TMEM114: variants seen among roughly 807,000 people sequenced by gnomAD.
TMEM114 encodes claudin-26.
In TMEM114, 6 loss-of-function variants were observed where a neutral mutation model predicts 6.2. That is an observed-to-expected ratio of 0.97 (90% confidence interval 0.53 to 1.91). The LOEUF (loss-of-function observed/expected upper bound fraction) is 1.91. Ranked by LOEUF, TMEM114 falls within the 40% of genes most tolerant of loss-of-function variation. The pLI, the probability that TMEM114 is intolerant of heterozygous loss-of-function variation, is 0.01. For missense variants in TMEM114, 218 were observed against 158.3 expected, an observed-to-expected ratio of 1.38 and a Z score of -2.02; for synonymous variants, 104 against 73.0, an observed-to-expected ratio of 1.42 and a Z score of -2.16.
At chr16:8,541,336 T>A (rs962608804) in intron 2 of TMEM114, among the ~76,000 whole-genome samples, 1 of 152,104 alleles carries the variant, frequency 6.6e-6, no homozygotes, top group African/African-American at 2.4e-5. Context: ...ATGAGGACAG[T>A]CCAGGGTTAC....
In TMEM114 at chr16:8,542,809, C is replaced by G. The variant is rs78480120; in HGVS notation, n.213-4983G>C. 2.0e-5 allele frequency among the ~76,000 whole-genome samples: 3 copies of G among 152,162 alleles called. No individual in the cohort carries two copies. In the South Asian group the frequency reaches 6.2e-4, roughly 32 times the overall value. On this transcript the variant is annotated intron_variant and non_coding_transcript_variant, in intron 2 of 2. Coordinates refer to the TMEM114 transcript ENST00000623677. ...ATCTCCTCAGTCTCAACTCCCCAAT[C>G]CTCCCAGCTCTTCCCCACATCCTCC...
chr16:8,568,681 C>A (rs77890495), downstream of TMEM114, among the ~76,000 whole-genome samples: 3 of 152,212 alleles, frequency 2.0e-5, no homozygotes, highest in African/African-American at 7.2e-5. Flanking sequence ...CCAGAGTTTC[C>A]TAAGCCAAAG....
intron 2 of TMEM114, among the ~76,000 whole-genome samples, chr16:8,545,725 A>G (rs1900645155): frequency 6.6e-6 from 1 of 152,180 alleles, no homozygotes; most frequent in East Asian, 1.9e-4. Flanking sequence ...GAGCTATCTT[A>G]TCTCCCTTCT....
At chr16:8,560,530 C>G (rs948927316) in intron 2 of TMEM114, among the ~76,000 whole-genome samples, 3 of 152,130 alleles carry the variant, frequency 2.0e-5, no homozygotes, top group African/African-American at 7.2e-5. Context: ...CCTGCTGGCT[C>G]CAAAAGGCGG....
At chr16:8,531,828 G>T in the TMEM114 span, 1 of 152,230 alleles carries the variant, frequency 6.6e-6, no homozygotes, top group South Asian at 2.1e-4. Flanking sequence ...CAGAGGGATT[G>T]TCAATTAGAT....
At chr16:8,546,260 A>T (rs1413478043) in intron 2 of TMEM114, among the ~76,000 whole-genome samples, 1 of 152,234 alleles carries the variant, frequency 6.6e-6, no homozygotes, top group African/African-American at 2.4e-5. Context: ...TTCTTAACTC[A>T]TTTCAAACTG....
At chr16:8,537,334 CT>C (rs1185453529), downstream of TMEM114, among the ~76,000 whole-genome samples, 3 of 152,072 alleles carry the variant, frequency 2.0e-5, no homozygotes, top group Non-Finnish European at 2.9e-5. Flanking sequence ...AACCCCGTCT[CT>C]ACTAAAAATA....
intron 2 of TMEM114, among the ~76,000 whole-genome samples, chr16:8,543,882 T>C (rs73505731): frequency 0.015 from 2,240 of 152,252 alleles, 55 homozygotes; most frequent in African/African-American, 0.052. Context: ...TTTGTCAAAG[T>C]CCATAACATA....
At chr16:8,564,942 G>T (rs975264520), downstream of TMEM114, among the ~76,000 whole-genome samples, 3 of 51,314 alleles carry the variant, frequency 5.8e-5, no homozygotes, top group South Asian at 1.2e-3. Flanking sequence ...AGTGAGTGAG[G>T]GAATGGGTGA....
intron 2 of TMEM114, among the ~76,000 whole-genome samples, chr16:8,539,329 G>C (rs1223645950): frequency 6.6e-6 from 1 of 152,108 alleles, no homozygotes; most frequent in East Asian, 1.9e-4. Context: ...AGGGGTGGGA[G>C]GTAGAGAAGC....
rs1231961712 is a variant in TMEM114 at position 8,589,701 on chromosome 16, C to T, written c.138G>A (p.Gly46=). 2 of 398,490 alleles carry T rather than the reference C, an allele frequency of 5.0e-6. No individual in the cohort carries two copies. The highest frequency in any genetic ancestry group is 2.1e-5 in the African/African-American group (1 of 48,620). The allele number at this position is 398,490 out of a possible 1,614,324, so 24.7% of individuals were successfully genotyped here. Residue 46 remains glycine, a synonymous_variant, in exon 1 of 4, where the codon GGG becomes GGA. Coordinates refer to ENST00000620492, the MANE Select transcript of TMEM114 (RefSeq NM_001146336.2). ...DTERLERTGP[G]AQDLLGSINR... The stretch of plus-strand genomic sequence containing the variant: ...TGATGGACCCCAGCAGGTCCTGCGC[C>T]CCCGGGCCAGTCCTCTCCAGCCGCT...
chr16:8,584,676 C>T (rs1271003748), intron 2 of TMEM114, among the ~76,000 whole-genome samples: 3 of 152,058 alleles, frequency 2.0e-5, no homozygotes, highest in Non-Finnish European at 4.4e-5. Flanking sequence ...AATCCCAGCA[C>T]TTTGGGAGGC....
At chr16:8,531,307 C>A in the TMEM114 span, among the ~76,000 whole-genome samples, 1 of 152,164 alleles carries the variant, frequency 6.6e-6, no homozygotes, top group African/African-American at 2.4e-5. Flanking sequence ...ATTTGCATTG[C>A]AAAATTCAAT....
chr16:8,548,982 A>G (rs1900758068), intron 2 of TMEM114, among the ~76,000 whole-genome samples: 1 of 151,942 alleles, frequency 6.6e-6, no homozygotes, highest in African/African-American at 2.4e-5. Flanking sequence ...GGAGATCAAG[A>G]CCATCCTGGC....
At chr16:8,578,817 A>C (rs1486061131) in intron 2 of TMEM114, among the ~76,000 whole-genome samples, 1 of 152,090 alleles carries the variant, frequency 6.6e-6, no homozygotes, top group Non-Finnish European at 1.5e-5. Flanking sequence ...CGTCTCTACT[A>C]AAAACACAAA....
downstream of TMEM114, among the ~76,000 whole-genome samples, chr16:8,534,250 G>A (rs1225385560): frequency 6.6e-6 from 1 of 151,920 alleles, no homozygotes; most frequent in African/African-American, 2.4e-5. Flanking sequence ...ATTAATCTGT[G>A]CAAATGTAAT....
At chr16:8,539,724 C>G (rs1421674939) in intron 2 of TMEM114, among the ~76,000 whole-genome samples, 8 of 151,234 alleles carry the variant, frequency 5.3e-5, no homozygotes, top group Non-Finnish European at 8.8e-5. Context: ...TGTCCCATAG[C>G]AATATCCAGA....
chr16:8,533,117 G>A (rs181775302), downstream of TMEM114, among the ~76,000 whole-genome samples: 374 of 150,188 alleles, frequency 2.5e-3, 2 homozygotes, highest in African/African-American at 8.7e-3. Flanking sequence ...CATTGGACTG[G>A]AAGAGACAGA....
At chr16:8,562,539 AGTGAATGAGTGAGTG>A (rs1901285077) in intron 2 of TMEM114, among the ~76,000 whole-genome samples, 3 of 151,296 alleles carry the variant, frequency 2.0e-5, no homozygotes, top group Non-Finnish European at 2.9e-5. Flanking sequence ...TGAGTGAGTG[AGTGAATGAGTGAGTG>A]CGTCAATGAG....
Sources: allele counts gnomAD v4.1 joint callset (sites outside exome capture counted in the v4.1 genomes callset), GRCh38; gene constraint gnomAD v4.1.1; transcripts MANE v1.5; gene names NCBI Gene and HGNC (gene_info 2026-07-23, HGNC 2026-07-21).